SLC12A5: variants seen among roughly 807,000 people sequenced by gnomAD.
The protein encoded by SLC12A5 is K-Cl cotransporter 2.
Under a neutral mutation model 124.0 loss-of-function variants are expected in SLC12A5, and 18 were observed. The observed-to-expected ratio is 0.15, with a 90% CI of 0.10 to 0.22. The LOEUF (loss-of-function observed/expected upper bound fraction) is 0.22. Ranked by LOEUF, SLC12A5 falls within the 10% of genes least tolerant of loss-of-function variation. The probability of loss-of-function intolerance (pLI) is 1.00; values close to 1 mark genes in which losing one functional copy is unlikely to be tolerated. For missense variants in SLC12A5, 867 were observed against 1,478.7 expected, an observed-to-expected ratio of 0.59 and a Z score of 6.78; for synonymous variants, 589 against 568.0, an observed-to-expected ratio of 1.04 and a Z score of -0.53.
At chr20:46,049,223 T>C (rs1372473035) in intron 16 of SLC12A5, among the ~76,000 whole-genome samples, 2 of 152,094 alleles carry the variant, frequency 1.3e-5, no homozygotes, top group East Asian at 3.8e-4. Context: ...GACGGCTAAA[T>C]GACTAAGGAA....
intron 7 of SLC12A5, 61 bp from the exon 8 acceptor site, chr20:46,041,268 A>C: frequency 1.4e-6 from 2 of 1,469,792 alleles, no homozygotes; most frequent in South Asian, 2.3e-5. Context: ...CGGTGGCTGT[A>C]TTGTGCAGCG....
At chr20:46,021,700 G>C, upstream of SLC12A5, 1 of 1,521,250 alleles carries the variant, frequency 6.6e-7, no homozygotes, top group South Asian at 1.2e-5. Context: ...CTCCCTCCTA[G>C]AGCCTGGTTG....
chr20:46,036,922 GT>G, intron 5 of SLC12A5, 127 bp downstream of exon 5: 1 of 1,262,132 alleles, frequency 7.9e-7, no homozygotes, highest in Non-Finnish European at 1.1e-6. Flanking sequence ...GGCTGTATCT[GT>G]TTTCAGCCCT....
In SLC12A5 at chr20:46,047,533, C is replaced by T. The variant is rs1171068654; in HGVS notation, c.1867C>T (p.Leu623Phe). The T allele has an allele frequency of 1.2e-6, 2 of 1,613,994 alleles. No homozygotes were observed. Among genetic ancestry groups the T allele is most frequent in the Non-Finnish European group, 1.7e-6 (2 of 1,179,958 alleles). Residue 623 changes from leucine (L) to phenylalanine (F), a missense_variant, in exon 15 of 26, where the codon CTC becomes TTC. Around this residue, in one of 9 missense-constraint regions of SLC12A5, gnomAD observed 152 missense variants for 358.7 expected, o/e 0.42. Coordinates refer to ENST00000243964, the MANE Select transcript of SLC12A5 (RefSeq NM_020708.5). ...CTGGTATTATGCACTGGTAGCCATG[C>T]TCATTGCTGGACTCATCTACAAGTA... ...CSWYYALVAM[L>F]IAGLIYKYIE...
rs970629633 is a variant in SLC12A5 at position 46,035,003 on chromosome 20, G to C, written c.108G>C (p.Lys36Asn). 5.0e-6 allele frequency: 8 copies of C among 1,614,044 alleles called. No homozygotes were observed. The highest frequency in any genetic ancestry group is 6.8e-6 in the Non-Finnish European group (8 of 1,179,968). Reference protein sequence around the residue: ...SPFINSTDTEKGKEYDGKNMA... With the variant: ...SPFINSTDTENGKEYDGKNMA... Reference sequence around the variant, plus strand: ...TCATCAACAGCACCGACACAGAGAAGGGAAAGGAGTATGATGGCAAGAACA... The same window carrying C: ...TCATCAACAGCACCGACACAGAGAACGGAAAGGAGTATGATGGCAAGAACA... The change falls in exon 2 of 26, where the codon AAG becomes AAC. Residue 36 changes from lysine to asparagine, a missense_variant. By Grantham distance (94) the Lys-to-Asn change is moderately conservative. Around this residue, in one of 9 missense-constraint regions of SLC12A5, gnomAD observed 58 missense variants for 52.2 expected, o/e 1.11. Coordinates refer to ENST00000243964, the MANE Select transcript of SLC12A5 (RefSeq NM_020708.5).
In SLC12A5 at chr20:46,057,393, T is replaced by A; in HGVS notation, c.3259+90T>A. 6.2e-7 allele frequency: 1 copy of A among 1,602,700 alleles called. No individual in the cohort carries two copies. Among genetic ancestry groups the A allele is most frequent in the Non-Finnish European group, 8.5e-7 (1 of 1,169,762 alleles). ...TGGGATGGAAGAGCTGAGCTGTTCC[T>A]GCCTCCGGATCAGCACCTCGGACAG... On this transcript the variant is annotated intron_variant, in intron 25 of 25. Transcript: ENST00000243964. This position sits in a 1 kb window ranked among gnomAD's most constrained non-coding sequence, Gnocchi z 7.1.
At chr20:46,034,741 T>A (rs1318467846) in intron 1 of SLC12A5, among the ~76,000 whole-genome samples, 1 of 152,050 alleles carries the variant, frequency 6.6e-6, no homozygotes, top group East Asian at 1.9e-4. Flanking sequence ...CACTCACACA[T>A]CTGTTAATAC....
At position 46,035,773 on chromosome 20, in the gene SLC12A5, G is replaced by C; in HGVS notation, c.280-4G>C. The stretch of plus-strand genomic sequence containing the variant: ...GCAGAGACTGATGCTGGCCTCCCTG[G>C]CAGGCCCCACGCATGGGCACCTTCA... On this transcript the variant is annotated splice_region_variant and splice_polypyrimidine_tract_variant and intron_variant, in intron 3 of 25. Coordinates refer to ENST00000243964, the MANE Select transcript of SLC12A5 (RefSeq NM_020708.5). 3 of 1,609,064 alleles carry C rather than the reference G, an allele frequency of 1.9e-6. No homozygotes were observed. Among genetic ancestry groups the C allele is most frequent in the Non-Finnish European group, 2.5e-6 (3 of 1,176,834 alleles).
rs774143848 is a variant in SLC12A5 at position 46,035,812 on chromosome 20, G to A, written c.315G>A (p.Leu105=). The part of the protein sequence containing the change: ...PRMGTFMGVY[L]PCLQNIFGVI... ...TGGGCACCTTCATGGGCGTGTACCT[G>A]CCGTGCCTGCAGAACATCTTTGGCG... Residue 105 remains leucine (L), a synonymous_variant, in exon 4 of 26, where the codon CTG becomes CTA. Coordinates refer to ENST00000243964, the MANE Select transcript of SLC12A5 (RefSeq NM_020708.5). The A allele has an allele frequency of 1.2e-6, 2 of 1,613,978 alleles. No homozygotes were observed. Among genetic ancestry groups the A allele is most frequent in the Non-Finnish European group, 1.7e-6 (2 of 1,179,988 alleles).
upstream of SLC12A5, among the ~76,000 whole-genome samples, chr20:46,028,126 C>T (rs2084414541): frequency 1.3e-5 from 2 of 152,180 alleles, no homozygotes; most frequent in Admixed American, 1.3e-4. Context: ...GATGATCAAG[C>T]TTCTGGGGGA....
At chr20:46,035,305 T>G (rs2084487292) in intron 2 of SLC12A5, 99 bp from the exon 3 acceptor site, 1 of 1,456,318 alleles carries the variant, frequency 6.9e-7, no homozygotes, top group Non-Finnish European at 9.4e-7. Context: ...ACCTGAATAG[T>G]TTCGTGCTCC....
chr20:46,034,596 G>A (rs1424932534), intron 1 of SLC12A5, among the ~76,000 whole-genome samples: 1 of 152,150 alleles, frequency 6.6e-6, no homozygotes, highest in African/African-American at 2.4e-5. Flanking sequence ...CTCCTGGAAG[G>A]CAGACCTTCT....
Position 46,056,099 on chromosome 20 carries a change from C to T in SLC12A5, c.2788-51C>T, listed in dbSNP as rs1224526190. ...TCTCTGGTGATAGCTCTTTGCAGGGCATGGGTGGTGACTCCCAGCAGAGCT... is the reference window on the plus strand; with the variant it reads ...TCTCTGGTGATAGCTCTTTGCAGGGTATGGGTGGTGACTCCCAGCAGAGCT... On this transcript the variant is annotated intron_variant, in intron 21 of 25. Transcript: ENST00000243964. This position sits in a 1 kb window ranked among gnomAD's most constrained non-coding sequence, Gnocchi z 4.3. 6.2e-7 allele frequency: 1 copy of T among 1,608,270 alleles called. No individual in the cohort carries two copies. Among genetic ancestry groups the T allele is most frequent in the Non-Finnish European group, 8.5e-7 (1 of 1,177,118 alleles).
intron 1 of SLC12A5, among the ~76,000 whole-genome samples, chr20:46,031,783 G>C (rs890216785): frequency 2.0e-5 from 3 of 152,168 alleles, no homozygotes; most frequent in African/African-American, 7.2e-5. Flanking sequence ...GAGCTCCCAG[G>C]GGGCGGGGGC....
chr20:46,042,018 C>T (rs1472174217), intron 8 of SLC12A5, among the ~76,000 whole-genome samples: 4 of 152,088 alleles, frequency 2.6e-5, no homozygotes, highest in African/African-American at 9.7e-5. Context: ...ATCTTCAATT[C>T]TATGAGAGGA....
chr20:46,057,297 G>A lies in SLC12A5; in HGVS notation c.3253G>A (p.Glu1085Lys). The A allele has an allele frequency of 6.2e-7, 1 of 1,614,208 alleles. No homozygotes were observed. The part of the protein sequence containing the change: ...PGPPRNRNGD[E>K]NYMEFLEVLT... The stretch of plus-strand genomic sequence containing the variant: ...GCCTCCCCGCAACCGCAATGGTGAT[G>A]AAAACTGTATCCTGGAATTAAAATT... Residue 1085 changes from glutamate (E) to lysine (K), a missense_variant, in exon 25 of 26, where the codon GAA (glutamate) becomes AAA (lysine). By Grantham distance (56) the Glu-to-Lys change is moderately conservative. Transcript: ENST00000243964. The surrounding 1 kb of genome is among the most constrained non-coding windows in gnomAD (Gnocchi z 7.1).
At chr20:46,052,162 G>T (rs2084652488) in intron 18 of SLC12A5, among the ~76,000 whole-genome samples, 1 of 152,212 alleles carries the variant, frequency 6.6e-6, no homozygotes, top group African/African-American at 2.4e-5. Context: ...AGTCACAGAG[G>T]CTAGGCCCAC....
chr20:46,037,575 G>A (rs1454190313), intron 6 of SLC12A5, among the ~76,000 whole-genome samples, 190 bp downstream of exon 6: 1 of 152,174 alleles, frequency 6.6e-6, no homozygotes, highest in Admixed American at 6.5e-5. Context: ...CAATAATTAT[G>A]TAACATACAC....
chr20:46,038,718 G>A (rs746786119), intron 6 of SLC12A5, among the ~76,000 whole-genome samples: 1 of 152,178 alleles, frequency 6.6e-6, no homozygotes, highest in East Asian at 1.9e-4. Context: ...GTCACAAACA[G>A]CATTGTAACT....
Sources: gnomAD v4.1 joint callset for allele counts (sites outside exome capture counted in the v4.1 genomes callset) on GRCh38, gnomAD v4.1.1 for gene constraint, gnomAD v4.1.1 regional missense constraint, Gnocchi (gnomAD v3.1) non-coding constraint, MANE v1.5 for transcripts, NCBI Gene and HGNC (gene_info 2026-07-23, HGNC 2026-07-21) for gene names.